Variants in GALNT11 observed in about 807,000 individuals in gnomAD.
GALNT11 encodes polypeptide N-acetylgalactosaminyltransferase 11, also known as UDP-GalNAc:polypeptide N-acetylgalactosaminyltransferase 11.
GALNT11 carries 47 observed loss-of-function variants against 72.7 expected under a neutral mutation model. The observed-to-expected ratio is 0.65, with a 90% CI of 0.51 to 0.82. The LOEUF (loss-of-function observed/expected upper bound fraction) is 0.82, where lower values mean the gene tolerates loss of function less well. GALNT11 is among the 40% of genes least tolerant of loss of function. The pLI is 0.00. For missense variants in GALNT11, 677 were observed against 778.4 expected, an observed-to-expected ratio of 0.87 and a Z score of 1.55; for synonymous variants, 270 against 286.6, an observed-to-expected ratio of 0.94 and a Z score of 0.58.
chr7:152,098,845 T>G (rs1015826389), intron 2 of GALNT11, among the ~76,000 whole-genome samples: 1 of 152,228 alleles, frequency 6.6e-6, no homozygotes, highest in African/African-American at 2.4e-5. Flanking sequence ...AAGGATGAAC[T>G]GCATTTGAAA....
intron 1 of GALNT11, among the ~76,000 whole-genome samples, chr7:152,036,874 T>C (rs532135473): frequency 4.6e-5 from 7 of 152,352 alleles, no homozygotes; most frequent in Admixed American, 2.0e-4. Context: ...GTTTGCTATT[T>C]GTATGTCTTA....
At chr7:152,039,516 C>T (rs56019522) in intron 1 of GALNT11, among the ~76,000 whole-genome samples, 4,934 of 152,212 alleles carry the variant, frequency 0.032, 115 homozygotes, top group Middle Eastern at 0.065. Flanking sequence ...TTCATTGTGA[C>T]TGGTTGTCCC....
chr7:152,072,326 A>AAG (rs992742873), intron 1 of GALNT11, among the ~76,000 whole-genome samples: 3 of 151,782 alleles, frequency 2.0e-5, no homozygotes, highest in African/African-American at 7.3e-5. Context: ...AAAAAAAAAA[A>AAG]AAAAAAGAAA....
In GALNT11 at chr7:152,113,406, G is replaced by A. The variant is rs762153961; in HGVS notation, c.1233+8G>A. 20 of 1,612,556 alleles carry A rather than the reference G, an allele frequency of 1.2e-5. 1 individual carries two copies. In the Admixed American group the frequency reaches 3.3e-4, roughly 27 times the overall value. Reference sequence around the variant, plus strand: ...TGGTTGGATGAATACAAGGTGAGATGAAATTTCTTGTTTAGAAGGATGAAT... The same window carrying A: ...TGGTTGGATGAATACAAGGTGAGATAAAATTTCTTGTTTAGAAGGATGAAT... On this transcript the variant is annotated splice_region_variant and intron_variant, in intron 8 of 11. Coordinates refer to ENST00000430044, the MANE Select transcript of GALNT11 (RefSeq NM_022087.4).
intron 1 of GALNT11, among the ~76,000 whole-genome samples, chr7:152,065,411 G>A (rs2084252895): frequency 6.6e-6 from 1 of 152,158 alleles, no homozygotes; most frequent in African/African-American, 2.4e-5. Flanking sequence ...TTAGCTCGGA[G>A]TAGTTTGATC....
rs553040314 is a variant in GALNT11, at chr7:152,029,902, G to T, written c.-39+4018G>T. ...AAGGATTTTTGATAGGAAGGCTATG[G>T]GTTGTCAGTGGCCTCAGTGCTTTTG... On this transcript the variant is annotated intron_variant, in intron 1 of 11. Coordinates refer to ENST00000430044, the MANE Select transcript of GALNT11 (RefSeq NM_022087.4). 4.1e-4 allele frequency among the ~76,000 whole-genome samples: 62 copies of T among 152,350 alleles called. 2 individuals are homozygous for T. The South Asian group carries it at 4.6e-3, about 11-fold the overall frequency.
At chr7:152,034,501 G>A (rs2082460346) in intron 1 of GALNT11, among the ~76,000 whole-genome samples, 1 of 152,130 alleles carries the variant, frequency 6.6e-6, no homozygotes, top group Non-Finnish European at 1.5e-5. Context: ...GGGTTTGCGG[G>A]TCAAATTGGT....
At chr7:152,099,530 GTTTTTTTT>G (rs1009548038) in intron 2 of GALNT11, among the ~76,000 whole-genome samples, 2 of 57,784 alleles carry the variant, frequency 3.5e-5, no homozygotes, top group South Asian at 7.8e-4. Flanking sequence ...CTCCCGCCTA[GTTTTTTTT>G]TTTTTTTTTT....
intron 7 of GALNT11, among the ~76,000 whole-genome samples, chr7:152,111,112 A>G (rs953136674): frequency 6.6e-6 from 1 of 152,018 alleles, no homozygotes; most frequent in Non-Finnish European, 1.5e-5. Flanking sequence ...TAGGAAAACA[A>G]CAACAAAATG....
chr7:152,079,658 A>G (rs978063933), intron 1 of GALNT11, among the ~76,000 whole-genome samples: 14 of 152,200 alleles, frequency 9.2e-5, no homozygotes, highest in Admixed American at 2.0e-4. Context: ...TAATTCAGCA[A>G]TCGCCTTATG....
At chr7:152,062,793 C>T (rs139110295) in intron 1 of GALNT11, among the ~76,000 whole-genome samples, 3 of 152,080 alleles carry the variant, frequency 2.0e-5, no homozygotes, top group South Asian at 2.1e-4. Context: ...GTTGAACCAG[C>T]CTTGCATCCC....
intron 11 of GALNT11, 71 bp from the exon 12 acceptor site, chr7:152,121,475 C>T (rs896530432): frequency 2.6e-6 from 4 of 1,552,368 alleles, no homozygotes; most frequent in Non-Finnish European, 3.5e-6. Flanking sequence ...CTTAAGTGCT[C>T]CATCTCTCCT....
chr7:152,073,422 C>T (rs138628367), intron 1 of GALNT11, among the ~76,000 whole-genome samples: 2 of 152,320 alleles, frequency 1.3e-5, no homozygotes, highest in East Asian at 3.9e-4. Flanking sequence ...CTGTTCCTGG[C>T]TTATTTCACT....
At chr7:152,046,201 A>G (rs1485838418) in intron 1 of GALNT11, among the ~76,000 whole-genome samples, 1 of 152,018 alleles carries the variant, frequency 6.6e-6, no homozygotes, top group Non-Finnish European at 1.5e-5. Flanking sequence ...TTGCTTTTAG[A>G]CCTCAAGGAT....
At chr7:152,076,324 T>C (rs1003608622) in intron 1 of GALNT11, among the ~76,000 whole-genome samples, 1 of 152,230 alleles carries the variant, frequency 6.6e-6, no homozygotes, top group African/African-American at 2.4e-5. Flanking sequence ...TGATTGGTTT[T>C]GGTTCTTCTG....
intron 1 of GALNT11, among the ~76,000 whole-genome samples, chr7:152,056,792 G>C (rs1336368596): frequency 2.0e-5 from 3 of 151,886 alleles, no homozygotes; most frequent in Admixed American, 2.0e-4. Context: ...CCTGCACCTG[G>C]GTGTCAGGTG....
chr7:152,052,268 G>C (rs1359586793), intron 1 of GALNT11, among the ~76,000 whole-genome samples: 2 of 151,996 alleles, frequency 1.3e-5, no homozygotes, highest in African/African-American at 4.8e-5. Context: ...TAGGATATTG[G>C]ATTGTTTCCA....
At chr7:152,099,716 G>T (rs1457665263) in intron 2 of GALNT11, among the ~76,000 whole-genome samples, 1 of 146,172 alleles carries the variant, frequency 6.8e-6, no homozygotes, top group African/African-American at 2.5e-5. Flanking sequence ...GATTAGGCCT[G>T]TGGAGGAATT....
At chr7:152,073,074 T>G (rs904770896) in intron 1 of GALNT11, among the ~76,000 whole-genome samples, 1 of 152,254 alleles carries the variant, frequency 6.6e-6, no homozygotes, top group Non-Finnish European at 1.5e-5. Flanking sequence ...GATGTTTCTA[T>G]ATACGTAACG....
Sources: allele counts gnomAD v4.1 joint callset (sites outside exome capture counted in the v4.1 genomes callset), GRCh38; gene constraint gnomAD v4.1.1; transcripts MANE v1.5; gene names NCBI Gene and HGNC (gene_info 2026-07-23, HGNC 2026-07-21).